SYNE1: variants seen among roughly 807,000 people sequenced by gnomAD.
SYNE1 encodes nesprin-1.
A neutral mutation model predicts 1,111.0 loss-of-function variants in SYNE1; 616 were observed. That is an observed-to-expected ratio of 0.55 (90% CI 0.52 to 0.59). The LOEUF is 0.59. SYNE1 is among the 20% of genes least tolerant of loss of function. The probability of loss-of-function intolerance (pLI) is 0.00; values close to 1 mark genes in which losing one functional copy is unlikely to be tolerated. For synonymous variants in SYNE1, 3,855 were observed against 3,825.8 expected (o/e 1.01, Z -0.28); for missense variants, 10,006 against 10,417.0 (o/e 0.96, Z 1.72).
chr6:152,148,655 C>G lies in SYNE1; in HGVS notation c.24643-277G>C, dbSNP rs1393350401. ...ATCTATAAAATGGGAATAACAGTCCCAGGCATCCCACAGGGTTTTTTTTTT... is the reference window on the plus strand; with the variant it reads ...ATCTATAAAATGGGAATAACAGTCCGAGGCATCCCACAGGGTTTTTTTTTT... On this transcript the variant is annotated intron_variant, in intron 136 of 145. Transcript: ENST00000367255. This position sits in a 1 kb window ranked among gnomAD's most constrained non-coding sequence, Gnocchi z 4.1. 1.4e-5 allele frequency among the ~76,000 whole-genome samples: 2 copies of G among 143,366 alleles called. No homozygotes were observed. Among genetic ancestry groups the G allele is most frequent in the Non-Finnish European group, 3.0e-5 (2 of 66,320 alleles). The allele number at this position is 143,366 out of a possible 152,430, so 94.1% of individuals were successfully genotyped here.
chr6:152,404,104 GAT>G lies in SYNE1; in HGVS notation c.6825+107_6825+108del, dbSNP rs143864698. On this transcript the variant is annotated intron_variant, in intron 46 of 145. Coordinates refer to ENST00000367255, the MANE Select transcript of SYNE1 (RefSeq NM_182961.4). ...ATATATACGAGATATAGATATATGA[GAT>G]ATATATATATACACACACACACACA... 6.4e-4 allele frequency: 346 copies of G among 542,806 alleles called. 1 individual carries two copies. Among genetic ancestry groups the G allele is most frequent in the Admixed American group, 9.9e-4 (38 of 38,570 alleles). The allele number at this position is 542,806 out of a possible 1,614,324, so 33.6% of individuals were successfully genotyped here. A position where few individuals can be genotyped will look rare whatever the true frequency, so the allele number is the denominator to read the frequency against.
In SYNE1 at chr6:152,484,890, T is replaced by G; in HGVS notation, c.1130A>C (p.Lys377Thr). ...TACCAATGCTTGGTCAAGTGACAAT[T>G]TACCGTCTCTGTGTAATGGTTGTAT... ...HLIQPLHRDG[K>T]LSLDQALVKQ... Residue 377 changes from lysine to threonine, a missense_variant, in exon 13 of 146, where the codon AAA becomes ACA. Lys to Thr is a moderately conservative substitution (Grantham distance 78, BLOSUM62 -1). Transcript: ENST00000367255. 6.2e-7 allele frequency: 1 copy of G among 1,613,974 alleles called. No individual in the cohort carries two copies. Among genetic ancestry groups the G allele is most frequent in the Non-Finnish European group, 8.5e-7 (1 of 1,179,952 alleles).
At position 152,534,003 on chromosome 6, in the gene SYNE1, A is replaced by G. The variant is rs2449114; in HGVS notation, c.129+5957T>C. Among the ~76,000 whole-genome samples the G allele has an allele frequency of 2.0e-5, 3 of 151,868 alleles. No individual in the cohort carries two copies. The East Asian group carries it at 5.8e-4, about 29-fold the overall frequency. On this transcript the variant is annotated intron_variant, in intron 4 of 145. Coordinates refer to ENST00000367255, the MANE Select transcript of SYNE1 (RefSeq NM_182961.4). ...GTAAAACCTCGTCTCTACTTAAAAT[A>G]CAAAAACTAGCTGGGCATGGCGGTG...
At chr6:152,356,110 T>C (rs928955529) in intron 66 of SYNE1, among the ~76,000 whole-genome samples, 5 of 152,260 alleles carry the variant, frequency 3.3e-5, no homozygotes, top group African/African-American at 1.2e-4. Flanking sequence ...TTGGCAAACT[T>C]TTTCTATGAA....
At chr6:152,517,748 C>T (rs577430788) in intron 6 of SYNE1, among the ~76,000 whole-genome samples, 4 of 152,174 alleles carry the variant, frequency 2.6e-5, no homozygotes, top group African/African-American at 7.2e-5. Context: ...GTATGCTATC[C>T]TTCATGTAAG....
chr6:152,539,929 T>C (rs373833489), intron 4 of SYNE1, 31 bp downstream of exon 4: 72 of 1,611,860 alleles, frequency 4.5e-5, no homozygotes, highest in Non-Finnish European at 5.7e-5. Flanking sequence ...TCAACCTAAG[T>C]AAACCTGTAA....
intron 80 of SYNE1, among the ~76,000 whole-genome samples, 161 bp from the exon 81 acceptor site, chr6:152,325,463 T>C (rs2096038041): frequency 6.6e-6 from 1 of 152,254 alleles, no homozygotes; most frequent in African/African-American, 2.4e-5. Context: ...ATGTTTATTT[T>C]TTAACCAGAG....
At chr6:152,453,798 T>A (rs1306072170) in intron 24 of SYNE1, 78 bp from the exon 25 acceptor site, 1 of 1,588,054 alleles carries the variant, frequency 6.3e-7, no homozygotes, top group African/African-American at 1.3e-5. Context: ...CCTCTAAGCC[T>A]CCAAACAAGC....
chr6:152,579,292 A>G (rs1349136770), intron 3 of SYNE1, among the ~76,000 whole-genome samples: 1 of 152,186 alleles, frequency 6.6e-6, no homozygotes, highest in Admixed American at 6.5e-5. Context: ...CTAAGTCTTA[A>G]AGGCAAAAAG....
At chr6:152,243,483 T>G (rs966031558) in intron 106 of SYNE1, among the ~76,000 whole-genome samples, 1 of 152,144 alleles carries the variant, frequency 6.6e-6, no homozygotes, top group Non-Finnish European at 1.5e-5. Flanking sequence ...CATATCACAT[T>G]AAGGTTTAGC....
chr6:152,485,054 T>A, intron 12 of SYNE1, 82 bp from the exon 13 acceptor site: 3 of 1,445,802 alleles, frequency 2.1e-6, no homozygotes, highest in Admixed American at 1.9e-5. Context: ...TAAATAACAA[T>A]CTTTTCTATT....
intron 77 of SYNE1, 140 bp downstream of exon 77, chr6:152,333,868 A>C (rs1049295464): frequency 1.7e-6 from 2 of 1,169,820 alleles, no homozygotes; most frequent in Non-Finnish European, 2.5e-6. Flanking sequence ...CCTGACCTCA[A>C]CTAATCCACC....
intron 3 of SYNE1, among the ~76,000 whole-genome samples, chr6:152,603,869 A>AG (rs2099602991): frequency 2.4e-5 from 3 of 124,118 alleles, no homozygotes; most frequent in Admixed American, 1.6e-4. Flanking sequence ...ATAGATAGAT[A>AG]TACTATCTAT....
Position 152,397,976 on chromosome 6 carries a change from G to A in SYNE1, c.7350+643C>T, listed in dbSNP as rs1331276175. On this transcript the variant is annotated intron_variant, in intron 49 of 145. Transcript: ENST00000367255. Reference sequence around the variant, plus strand: ...AAATCATGCCACTGCACTCCAGCCTGGGTGACAGAGCAAGACTCCATCTCA... The same window carrying A: ...AAATCATGCCACTGCACTCCAGCCTAGGTGACAGAGCAAGACTCCATCTCA... Among the ~76,000 whole-genome samples, 6 of 151,524 alleles carry A rather than the reference G, an allele frequency of 4.0e-5. No individual in the cohort carries two copies. In the South Asian group the frequency reaches 1.3e-3, roughly 32 times the overall value.
rs370644295 is a variant in SYNE1 at position 152,391,293 on chromosome 6, C to A, written c.7988G>T (p.Arg2663Leu). 4.3e-5 allele frequency: 70 copies of A among 1,613,980 alleles called. No homozygotes were observed. The Middle Eastern group carries it at 1.3e-3, about 30-fold the overall frequency. The change falls in exon 52 of 146, where the codon CGG becomes CTG. Residue 2663 changes from arginine (R) to leucine (L), a missense_variant. Transcript: ENST00000367255. ...TLGSKDTLEKRLSQIQDILLM... is the reference protein window; with the variant it reads ...TLGSKDTLEKLLSQIQDILLM... ...CGCATGTACCTGTATTTGTGACAGC[C>A]GTTTCTCCAGGGTGTCTTTGCTCCC... is the stretch of plus-strand genomic sequence containing the variant.
rs574368189 is a variant in SYNE1 at position 152,293,944 on chromosome 6, C to T, written c.17850+16G>A. On this transcript the variant is annotated intron_variant, in intron 94 of 145. Coordinates refer to ENST00000367255, the MANE Select transcript of SYNE1 (RefSeq NM_182961.4). Reference sequence around the variant, plus strand: ...GGTGTCTGGTGGGCATAAACTAGTCCACCTTGAAGACTTACCACATTCTTT... The same window carrying T: ...GGTGTCTGGTGGGCATAAACTAGTCTACCTTGAAGACTTACCACATTCTTT... 3 of 1,613,984 alleles carry T rather than the reference C, an allele frequency of 1.9e-6. No individual in the cohort carries two copies. The highest frequency in any genetic ancestry group is 1.7e-5 in the Admixed American group (1 of 60,010).
In SYNE1 at chr6:152,330,648, C is replaced by G; in HGVS notation, c.14037G>C (p.Leu4679Phe). The G allele has an allele frequency of 1.2e-6, 2 of 1,613,758 alleles. No individual in the cohort carries two copies. The highest frequency in any genetic ancestry group is 1.7e-6 in the Non-Finnish European group (2 of 1,180,018). ...TCAGAGACTGGGTTGTCAACTCAAT[C>G]AAGGAAGCATATTCCTTCCGAGCAA... ...AILARKEYAS[L>F]IELTTQSLSE... Residue 4679 changes from leucine to phenylalanine, a missense_variant, in exon 78 of 146, where the codon TTG becomes TTC. Physicochemically the swap from Leu to Phe is conservative, Grantham distance 22 (BLOSUM62 0). Transcript: ENST00000367255.
At chr6:152,200,691 G>A (rs117671713) in intron 127 of SYNE1, among the ~76,000 whole-genome samples, 4 of 152,148 alleles carry the variant, frequency 2.6e-5, no homozygotes, top group East Asian at 1.9e-4. Flanking sequence ...CACCACACCC[G>A]GCTTCTTTAT....
intron 10 of SYNE1, among the ~76,000 whole-genome samples, chr6:152,499,713 G>A (rs2099018562): frequency 6.6e-6 from 1 of 152,120 alleles, no homozygotes; most frequent in Non-Finnish European, 1.5e-5. Flanking sequence ...TTCAGTTTTA[G>A]ATGTTTATGT....
Sources: gnomAD v4.1 joint callset for allele counts (sites outside exome capture counted in the v4.1 genomes callset) on GRCh38, gnomAD v4.1.1 for gene constraint, Gnocchi (gnomAD v3.1) non-coding constraint, MANE v1.5 for transcripts, NCBI Gene and HGNC (gene_info 2026-07-23, HGNC 2026-07-21) for gene names.